The following DTWD2 variants were observed in gnomAD, a reference collection of about 807,000 sequenced individuals.
DTWD2 encodes tRNA-uridine aminocarboxypropyltransferase 2.
In DTWD2, 39 loss-of-function variants were observed where a neutral mutation model predicts 31.8. The observed-to-expected ratio is 1.22, with a 90% CI of 0.95 to 1.60. The LOEUF (loss-of-function observed/expected upper bound fraction) is 1.60, where lower values mean the gene tolerates loss of function less well. Ranked by LOEUF, DTWD2 falls within the 40% of genes most tolerant of loss-of-function variation. The pLI, the probability that DTWD2 is intolerant of heterozygous loss-of-function variation, is 0.00. For missense variants in DTWD2, 515 were observed against 381.5 expected, an observed-to-expected ratio of 1.35 and a Z score of -2.92; for synonymous variants, 180 against 142.8, an observed-to-expected ratio of 1.26 and a Z score of -1.86.
intron 3 of DTWD2, among the ~76,000 whole-genome samples, chr5:118,929,587 T>C (rs142040472): frequency 4.9e-4 from 74 of 152,312 alleles, no homozygotes; most frequent in African/African-American, 1.7e-3. Context: ...ATTCACAAAT[T>C]GTTCATTGCT....
At chr5:118,978,204 C>T (rs1216576365) in intron 1 of DTWD2, among the ~76,000 whole-genome samples, 4 of 151,888 alleles carry the variant, frequency 2.6e-5, no homozygotes, top group Non-Finnish European at 5.9e-5. Context: ...CTCTTCCTTA[C>T]ACCTTATACA....
chr5:118,950,120 G>T (rs569078462), intron 1 of DTWD2, among the ~76,000 whole-genome samples: 1 of 144,028 alleles, frequency 6.9e-6, no homozygotes, highest in African/African-American at 2.7e-5. Flanking sequence ...TGAGGTGGGA[G>T]AATGGTGTGA....
Position 118,849,917 on chromosome 5 carries a change from AC to A in DTWD2, c.598-1700del, listed in dbSNP as rs547045322. ...TGGGAGGGATAACATTAGGAGAAAT[AC>A]CTAATGTAGATGATGGGTTGAGCAA... On this transcript the variant is annotated intron_variant, in intron 4 of 5. Coordinates refer to ENST00000510708, the MANE Select transcript of DTWD2 (RefSeq NM_173666.4). Among the ~76,000 whole-genome samples the A allele has an allele frequency of 1.6e-3, 239 of 152,136 alleles. 1 individual carries two copies. Among genetic ancestry groups the A allele is most frequent in the African/African-American group, 5.4e-3 (225 of 41,504 alleles).
chr5:118,919,531 G>A (rs562661761), intron 4 of DTWD2, among the ~76,000 whole-genome samples: 1 of 152,236 alleles, frequency 6.6e-6, no homozygotes, highest in South Asian at 2.1e-4. Context: ...TTTAATGGAG[G>A]GGCCAAGTGT....
chr5:118,853,299 A>C (rs979622249), intron 4 of DTWD2, among the ~76,000 whole-genome samples: 2 of 152,218 alleles, frequency 1.3e-5, no homozygotes, highest in African/African-American at 4.8e-5. Context: ...CACTGTTGTT[A>C]AGAATGTAAA....
chr5:118,941,381 G>A (rs536452608), intron 2 of DTWD2, among the ~76,000 whole-genome samples: 2 of 152,206 alleles, frequency 1.3e-5, no homozygotes, highest in Non-Finnish European at 2.9e-5. Context: ...CTGTGTCCAA[G>A]TGTTCTCATT....
chr5:118,979,161 A>G (rs1413556296), intron 1 of DTWD2, among the ~76,000 whole-genome samples: 4 of 149,806 alleles, frequency 2.7e-5, no homozygotes, highest in Non-Finnish European at 5.9e-5. Flanking sequence ...AAAATTAGCC[A>G]GGCATGGTGG....
At chr5:118,915,226 T>C (rs1369137032) in intron 4 of DTWD2, among the ~76,000 whole-genome samples, 1 of 151,964 alleles carries the variant, frequency 6.6e-6, no homozygotes, top group Non-Finnish European at 1.5e-5. Context: ...AAAAAATACA[T>C]ATATTTTTCT....
intron 1 of DTWD2, chr5:118,988,081 G>T (rs1238848077): frequency 5.5e-6 from 4 of 723,876 alleles, no homozygotes; most frequent in African/African-American, 3.5e-5. Context: ...TCAGCATATT[G>T]CAGGAAGTAA....
chr5:118,897,056 A>G (rs942695717), intron 4 of DTWD2, among the ~76,000 whole-genome samples: 6 of 152,228 alleles, frequency 3.9e-5, no homozygotes, highest in Non-Finnish European at 8.8e-5. Flanking sequence ...TTGTTATGCA[A>G]TATTTCAGGA....
At position 118,939,195 on chromosome 5, in the gene DTWD2, C is replaced by T. The variant is rs750293890; in HGVS notation, c.404+1G>A. On this transcript the variant is annotated splice_donor_variant, in intron 3 of 5. Transcript: ENST00000510708. LOFTEE classifies it high-confidence loss of function. Reference sequence around the variant, plus strand: ...TTACATTGCCCTAACAGTTAATTTACCTTTCTTCACTGAAGCGACGACCGA... The same window carrying T: ...TTACATTGCCCTAACAGTTAATTTATCTTTCTTCACTGAAGCGACGACCGA... 7 of 1,600,008 alleles carry T rather than the reference C, an allele frequency of 4.4e-6. No individual in the cohort carries two copies. The South Asian group carries it at 7.9e-5, about 18-fold the overall frequency.
chr5:118,930,837 T>A (rs1328198420), intron 3 of DTWD2, among the ~76,000 whole-genome samples: 3 of 152,110 alleles, frequency 2.0e-5, no homozygotes, highest in Non-Finnish European at 4.4e-5. Flanking sequence ...AGACTAGTGT[T>A]TGCTTAGGAC....
intron 1 of DTWD2, among the ~76,000 whole-genome samples, chr5:118,981,457 G>C (rs1027319178): frequency 6.6e-6 from 1 of 152,024 alleles, no homozygotes; most frequent in Non-Finnish European, 1.5e-5. Flanking sequence ...TCTACCCTTT[G>C]CAAGGTCAAC....
At chr5:118,958,762 GTAGGT>G (rs1239319799) in intron 1 of DTWD2, among the ~76,000 whole-genome samples, 2 of 152,110 alleles carry the variant, frequency 1.3e-5, no homozygotes, top group African/African-American at 4.8e-5. Context: ...ATCTGATCAA[GTAGGT>G]TTTATCCCTA....
intron 1 of DTWD2, among the ~76,000 whole-genome samples, chr5:118,960,382 G>A (rs1224583674): frequency 1.9e-4 from 29 of 152,012 alleles, no homozygotes; most frequent in Non-Finnish European, 2.9e-5. Context: ...TGACATACCA[G>A]CTCACACCAG....
chr5:118,887,436 A>G (rs926809303), intron 4 of DTWD2, among the ~76,000 whole-genome samples: 11 of 150,538 alleles, frequency 7.3e-5, no homozygotes, highest in Non-Finnish European at 1.6e-4. Flanking sequence ...TACATGTCCA[A>G]ATGTAAAGAT....
At position 118,848,173 on chromosome 5, in the gene DTWD2, GCATCCGAATTACATACT is replaced by G. The variant is rs776677355; in HGVS notation, c.626_642del (p.Gln209ProfsTer4). On this transcript the variant is annotated frameshift_variant, in exon 5 of 6. Coordinates refer to ENST00000510708, the MANE Select transcript of DTWD2 (RefSeq NM_173666.4). LOFTEE classifies it high-confidence loss of function. ...GTAGAAAGGCATCTATTAGTCGGCT[GCATCCGAATTACATACT>G]GACTAGAAATGCTAGTTTTTAATTG... 6.2e-7 allele frequency: 1 copy of G among 1,606,274 alleles called. No individual in the cohort carries two copies. The highest frequency in any genetic ancestry group is 8.5e-7 in the Non-Finnish European group (1 of 1,176,580).
rs995247913 is a variant in DTWD2, at chr5:118,837,091, C to G, written c.*3826G>C. The stretch of plus-strand genomic sequence containing the variant: ...GTATGAGTATTTGTATAAATAACAA[C>G]AGCTAGTACATACAATAAGAATAGT... On this transcript the variant is annotated 3_prime_UTR_variant, in exon 6 of 6. Coordinates refer to ENST00000510708, the MANE Select transcript of DTWD2 (RefSeq NM_173666.4). Among the ~76,000 whole-genome samples the G allele has an allele frequency of 2.0e-5, 3 of 151,872 alleles. No homozygotes were observed. Among genetic ancestry groups the G allele is most frequent in the African/African-American group, 7.3e-5 (3 of 41,318 alleles).
At chr5:118,973,390 T>C (rs949333014) in intron 1 of DTWD2, among the ~76,000 whole-genome samples, 1 of 152,220 alleles carries the variant, frequency 6.6e-6, no homozygotes, top group African/African-American at 2.4e-5. Flanking sequence ...CAGTGGCTGG[T>C]ACTTGTTTTT....
Sources: allele counts gnomAD v4.1 joint callset (sites outside exome capture counted in the v4.1 genomes callset), GRCh38; gene constraint gnomAD v4.1.1; transcripts MANE v1.5; gene names NCBI Gene and HGNC (gene_info 2026-07-23, HGNC 2026-07-21).